The following LUZP2 variants were observed in gnomAD, a reference collection of about 807,000 sequenced individuals.
LUZP2 encodes the protein leucine zipper protein 2.
In LUZP2, 52 loss-of-function variants were observed where a neutral mutation model predicts 51.6. The ratio of observed to expected loss-of-function variants is 1.01; its 90% CI spans 0.81 to 1.27. The LOEUF is 1.27. LUZP2 is among the 50% of genes most tolerant of loss of function. The pLI is 0.00. For missense variants in LUZP2, 436 were observed against 395.4 expected (o/e 1.10, Z -0.87); for synonymous variants, 154 against 137.3 (o/e 1.12, Z -0.85).
At chr11:24,779,830 G>GAC (rs148060670) in intron 5 of LUZP2, among the ~76,000 whole-genome samples, 3,463 of 152,142 alleles carry the variant, frequency 0.023, 147 homozygotes, top group African/African-American at 0.079. Context: ...AGAGAGATTT[G>GAC]ACACACACAC....
At chr11:24,777,560 A>C (rs1848971586) in intron 5 of LUZP2, among the ~76,000 whole-genome samples, 1 of 152,156 alleles carries the variant, frequency 6.6e-6, no homozygotes, top group South Asian at 2.1e-4. Context: ...AAAATTGGTA[A>C]CTGTTTCAAT....
intron 9 of LUZP2, among the ~76,000 whole-genome samples, chr11:25,008,707 T>C (rs570398338): frequency 3.8e-4 from 58 of 152,134 alleles, no homozygotes; most frequent in African/African-American, 1.4e-3. Context: ...TAAGGCAGTG[T>C]AGAAGAAGTT....
rs561209170 is a variant in LUZP2 at position 24,511,827 on chromosome 11, T to C, written c.62+14522T>C. 3.6e-3 allele frequency among the ~76,000 whole-genome samples: 545 copies of C among 152,322 alleles called. 4 individuals are homozygous for C. Among genetic ancestry groups the C allele is most frequent in the African/African-American group, 0.013 (527 of 41,582 alleles). ...GTGGAAAGAGAACACTTAAATAACG[T>C]GATATAGATGATTTTTAAAAATTTA... On this transcript the variant is annotated intron_variant, in intron 1 of 11. Coordinates refer to ENST00000336930, the MANE Select transcript of LUZP2 (RefSeq NM_001009909.4).
At chr11:24,876,289 G>A (rs932068848) in intron 5 of LUZP2, among the ~76,000 whole-genome samples, 4 of 149,712 alleles carry the variant, frequency 2.7e-5, no homozygotes, top group African/African-American at 9.9e-5. Context: ...ATGTAAGGAA[G>A]GGATCCAGTT....
At chr11:24,509,246 T>C (rs1265420680) in intron 1 of LUZP2, among the ~76,000 whole-genome samples, 2 of 152,138 alleles carry the variant, frequency 1.3e-5, no homozygotes, top group African/African-American at 4.8e-5. Flanking sequence ...CCTTACCATA[T>C]GATAATAACA....
At chr11:24,876,010 G>A (rs1372576419) in intron 5 of LUZP2, among the ~76,000 whole-genome samples, 1 of 151,926 alleles carries the variant, frequency 6.6e-6, no homozygotes, top group Non-Finnish European at 1.5e-5. Context: ...TTGGCCCTTT[G>A]TCAGATGAGT....
chr11:24,627,815 T>C (rs1189318453), intron 1 of LUZP2, among the ~76,000 whole-genome samples: 1 of 152,140 alleles, frequency 6.6e-6, no homozygotes, highest in East Asian at 1.9e-4. Flanking sequence ...ACAGGCAGTG[T>C]CTCTTGTCAC....
chr11:24,825,139 T>G (rs1171010723), intron 5 of LUZP2, among the ~76,000 whole-genome samples: 1 of 152,164 alleles, frequency 6.6e-6, no homozygotes, highest in Non-Finnish European at 1.5e-5. Flanking sequence ...TAGTCTAAGG[T>G]GACATCTAGT....
At chr11:25,000,027 C>T (rs1245033267) in intron 9 of LUZP2, among the ~76,000 whole-genome samples, 1 of 152,144 alleles carries the variant, frequency 6.6e-6, no homozygotes, top group Non-Finnish European at 1.5e-5. Flanking sequence ...CTGATTGGTC[C>T]ATTTTACAGA....
At chr11:25,049,558 A>G (rs1202469603) in intron 9 of LUZP2, among the ~76,000 whole-genome samples, 2 of 152,142 alleles carry the variant, frequency 1.3e-5, no homozygotes, top group African/African-American at 4.8e-5. Context: ...GAGTTTGATT[A>G]GTTAGTATAC....
chr11:24,966,640 T>A (rs769895072), intron 7 of LUZP2, among the ~76,000 whole-genome samples: 1 of 148,180 alleles, frequency 6.7e-6, no homozygotes, highest in Non-Finnish European at 1.5e-5. Context: ...TGATATATTA[T>A]ATATAAGATA....
intron 5 of LUZP2, among the ~76,000 whole-genome samples, chr11:24,767,482 T>C (rs1860236384): frequency 6.6e-6 from 1 of 152,232 alleles, no homozygotes. Context: ...TGGTTACAGT[T>C]AGACAGTTGC....
At chr11:24,862,812 T>C (rs1250981416) in intron 5 of LUZP2, among the ~76,000 whole-genome samples, 2 of 152,222 alleles carry the variant, frequency 1.3e-5, no homozygotes, top group African/African-American at 4.8e-5. Flanking sequence ...AAATTGTATC[T>C]AATAAAGAAC....
intron 4 of LUZP2, among the ~76,000 whole-genome samples, chr11:24,754,963 T>C (rs747335154): frequency 3.7e-4 from 57 of 152,102 alleles, no homozygotes; most frequent in Non-Finnish European, 1.5e-4. Context: ...CCGACCAACA[T>C]GGTGAAACCC....
intron 5 of LUZP2, among the ~76,000 whole-genome samples, chr11:24,887,976 C>G (rs1852726580): frequency 2.0e-5 from 3 of 152,148 alleles, no homozygotes; most frequent in Non-Finnish European, 4.4e-5. Flanking sequence ...GCACTTTGGA[C>G]AAATTAATGC....
At chr11:24,751,801 C>T (rs1038165173) in intron 4 of LUZP2, among the ~76,000 whole-genome samples, 4 of 151,346 alleles carry the variant, frequency 2.6e-5, no homozygotes, top group East Asian at 1.9e-4. Flanking sequence ...GCACTACATA[C>T]GCATTCTGAA....
intron 7 of LUZP2, among the ~76,000 whole-genome samples, chr11:24,926,501 A>ATATGTG (rs200786199): frequency 9.6e-5 from 13 of 135,652 alleles, no homozygotes; most frequent in African/African-American, 2.8e-4. Context: ...ATGTGTATAT[A>ATATGTG]TGTGTGTGTA....
intron 6 of LUZP2, among the ~76,000 whole-genome samples, chr11:24,913,592 G>A (rs1853704014): frequency 6.6e-6 from 1 of 151,890 alleles, no homozygotes. Context: ...CCCAAATGAT[G>A]ATACTAATTT....
chr11:24,957,571 C>A (rs1484758720), intron 7 of LUZP2, among the ~76,000 whole-genome samples: 3 of 152,042 alleles, frequency 2.0e-5, no homozygotes, highest in Non-Finnish European at 4.4e-5. Context: ...GTTTCAGAGA[C>A]TACATATAAG....
Sources: allele counts gnomAD v4.1 joint callset (sites outside exome capture counted in the v4.1 genomes callset), GRCh38; gene constraint gnomAD v4.1.1; transcripts MANE v1.5; gene names NCBI Gene and HGNC (gene_info 2026-07-23, HGNC 2026-07-21).